IL6R: variants seen among roughly 807,000 people sequenced by gnomAD.
IL6R encodes interleukin-6 receptor subunit alpha.
Under a neutral mutation model 48.3 loss-of-function variants are expected in IL6R, and 38 were observed. The ratio of observed to expected loss-of-function variants is 0.79; its 90% CI spans 0.61 to 1.03. The LOEUF (loss-of-function observed/expected upper bound fraction) is 1.03, where lower values mean the gene tolerates loss of function less well. IL6R is among the 50% of genes least tolerant of loss of function. IL6R has a pLI of 0.00. For missense variants in IL6R, 534 were observed against 618.3 expected, an observed-to-expected ratio of 0.86 and a Z score of 1.45; for synonymous variants, 264 against 256.2, an observed-to-expected ratio of 1.03 and a Z score of -0.29.
chr1:154,407,958 G>C (rs1687826697), intron 1 of IL6R, among the ~76,000 whole-genome samples: 1 of 152,146 alleles, frequency 6.6e-6, no homozygotes, highest in African/African-American at 2.4e-5. Flanking sequence ...AGCTATCTCA[G>C]CTTCTGAATT....
chr1:154,422,400 T>C (rs1036755787), intron 1 of IL6R, among the ~76,000 whole-genome samples: 22 of 152,212 alleles, frequency 1.4e-4, no homozygotes, highest in African/African-American at 5.1e-4. Flanking sequence ...CCTCAGTATG[T>C]TGGAGACATT....
rs1257629578 is a variant in IL6R at position 154,430,615 on chromosome 1, C to A, written c.458+9C>A. 2 of 1,614,174 alleles carry A rather than the reference C, an allele frequency of 1.2e-6. No homozygotes were observed. Among genetic ancestry groups the A allele is most frequent in the South Asian group, 1.1e-5 (1 of 91,076 alleles). ...CTCTTGGTGAGGAAGTTGTAAGTATCTTGGGCTGAGCTATGTGCATGTTGG... is the reference window on the plus strand; with the variant it reads ...CTCTTGGTGAGGAAGTTGTAAGTATATTGGGCTGAGCTATGTGCATGTTGG... On this transcript the variant is annotated intron_variant, in intron 3 of 9. Transcript: ENST00000368485.
At chr1:154,438,214 T>C (rs1029744103) in intron 6 of IL6R, among the ~76,000 whole-genome samples, 1 of 151,826 alleles carries the variant, frequency 6.6e-6, no homozygotes, top group African/African-American at 2.4e-5. Flanking sequence ...ATATGGCTTT[T>C]TTTTTTCCCT....
chr1:154,412,685 T>C (rs1382886505), intron 1 of IL6R, among the ~76,000 whole-genome samples: 1 of 152,206 alleles, frequency 6.6e-6, no homozygotes, highest in Non-Finnish European at 1.5e-5. Flanking sequence ...TTTTGAAAGA[T>C]TAGGTATGTT....
chr1:154,454,362 G>A, intron 8 of IL6R, 126 bp from the exon 9 acceptor site: 1 of 641,428 alleles, frequency 1.6e-6, no homozygotes, highest in Non-Finnish European at 2.8e-6. Flanking sequence ...TCTGGGAGGG[G>A]GGTTGGAGGG....
chr1:154,446,354 C>T (rs1690228538), intron 6 of IL6R, among the ~76,000 whole-genome samples: 1 of 152,120 alleles, frequency 6.6e-6, no homozygotes, highest in African/African-American at 2.4e-5. Context: ...GTGTGGTTTC[C>T]CCCTTACTGG....
chr1:154,434,957 G>A (rs1414996574), intron 4 of IL6R, 33 bp from the exon 5 acceptor site: 1 of 1,610,164 alleles, frequency 6.2e-7, no homozygotes, highest in South Asian at 1.1e-5. Context: ...TATATTTGGT[G>A]CTGCAAAGGA....
chr1:154,449,846 G>T, intron 7 of IL6R, 65 bp from the exon 8 acceptor site: 2 of 1,041,318 alleles, frequency 1.9e-6, no homozygotes, highest in South Asian at 1.3e-5. Context: ...GGTAACTCCT[G>T]AACTGGTTCT....
At chr1:154,418,098 G>C (rs180999896) in intron 1 of IL6R, among the ~76,000 whole-genome samples, 50 of 152,126 alleles carry the variant, frequency 3.3e-4, no homozygotes, top group African/African-American at 1.1e-3. Flanking sequence ...TTGAACTCCT[G>C]ATCTCAGGTG....
intron 1 of IL6R, among the ~76,000 whole-genome samples, chr1:154,419,512 C>G (rs1688530051): frequency 6.6e-6 from 1 of 152,156 alleles, no homozygotes; most frequent in South Asian, 2.1e-4. Flanking sequence ...CCTCTGTAGC[C>G]CCTTCTGAAA....
Position 154,414,242 on chromosome 1 carries a change from A to G in IL6R, c.85+8528A>G, listed in dbSNP as rs1251719541. 2.1e-4 allele frequency: 102 copies of G among 494,278 alleles called. 1 individual carries two copies. Among genetic ancestry groups the G allele is most frequent in the Non-Finnish European group, 3.6e-6 (1 of 276,628 alleles). 30.6% of individuals were successfully genotyped at this position (494,278 alleles called of 1,614,324 possible). ...TGTCATACTTAATAACATCCTTCCC[A>G]TTCCAATATTTTATTTTTATTTATT... On this transcript the variant is annotated intron_variant, in intron 1 of 9. Transcript: ENST00000368485.
intron 1 of IL6R, among the ~76,000 whole-genome samples, chr1:154,422,695 C>T (rs1014754051): frequency 2.0e-5 from 3 of 152,210 alleles, no homozygotes; most frequent in Non-Finnish European, 4.4e-5. Flanking sequence ...TGATTGTGTG[C>T]TCTTTGCTAA....
chr1:154,463,168 T>A (rs1691364955), intron 9 of IL6R, among the ~76,000 whole-genome samples: 1 of 146,420 alleles, frequency 6.8e-6, no homozygotes, highest in Non-Finnish European at 1.5e-5. Flanking sequence ...TTTTTTTTTT[T>A]ATAGCTATGT....
chr1:154,447,502 CATAT>C (rs1225161315), intron 6 of IL6R, among the ~76,000 whole-genome samples: 2 of 97,972 alleles, frequency 2.0e-5, no homozygotes, highest in African/African-American at 1.6e-4. Context: ...CACACACACA[CATAT>C]ATATATACAC....
At chr1:154,452,130 A>G (rs1265680721) in intron 8 of IL6R, among the ~76,000 whole-genome samples, 1 of 152,076 alleles carries the variant, frequency 6.6e-6, no homozygotes, top group Non-Finnish European at 1.5e-5. Flanking sequence ...TGGGCTGCCA[A>G]CTGGTCTACC....
intron 1 of IL6R, among the ~76,000 whole-genome samples, chr1:154,418,631 C>T (rs1345707691): frequency 2.0e-5 from 3 of 152,152 alleles, no homozygotes; most frequent in Non-Finnish European, 4.4e-5. Context: ...CCGTAGCCTG[C>T]GGCCTTGCCT....
At chr1:154,426,227 C>A (rs1688960489) in intron 1 of IL6R, among the ~76,000 whole-genome samples, 1 of 151,154 alleles carries the variant, frequency 6.6e-6, no homozygotes, top group South Asian at 2.1e-4. Flanking sequence ...GAGAAAAGCA[C>A]CAGCTGGGCG....
chr1:154,466,526 T>C lies in IL6R; in HGVS notation c.*1146T>C, dbSNP rs1362009712. 6.6e-6 allele frequency: 1 copy of C among 152,292 alleles called. No homozygotes were observed. Among genetic ancestry groups the C allele is most frequent in the Non-Finnish European group, 1.5e-5 (1 of 68,074 alleles). The allele number at this position is 152,292 out of a possible 1,614,324, so 9.4% of individuals were successfully genotyped here. A position where few individuals can be genotyped will look rare whatever the true frequency, so the allele number is the denominator to read the frequency against. On this transcript the variant is annotated 3_prime_UTR_variant, in exon 10 of 10. Transcript: ENST00000368485. ...GTGTGGGGGAAGCACCATAACTTTG[T>C]TTAGCCCAAAACCAAGTCAAGTGAA...
rs989773349 is a variant in IL6R at position 154,414,459 on chromosome 1, C to T, written c.85+8745C>T. 43 of 1,187,368 alleles carry T rather than the reference C, an allele frequency of 3.6e-5. No individual in the cohort carries two copies. The Admixed American group carries it at 4.1e-4, about 11-fold the overall frequency. 73.6% of individuals were successfully genotyped at this position (1,187,368 alleles called of 1,614,324 possible). On this transcript the variant is annotated intron_variant, in intron 1 of 9. Coordinates refer to ENST00000368485, the MANE Select transcript of IL6R (RefSeq NM_000565.4). ...GTGTCTTCTGGCTCCTGCTGCTGGC[C>T]GGCAAAACTATATTAGTTGTTGGGG...
Sources: gnomAD v4.1 joint callset for allele counts (sites outside exome capture counted in the v4.1 genomes callset) on GRCh38, gnomAD v4.1.1 for gene constraint, MANE v1.5 for transcripts, NCBI Gene and HGNC (gene_info 2026-07-23, HGNC 2026-07-21) for gene names.